The following SIPA1L1 variants were observed in gnomAD, a reference collection of about 807,000 sequenced individuals.
SIPA1L1 encodes the protein signal induced proliferation associated 1 like 1.
In SIPA1L1, 26 loss-of-function variants were observed where a neutral mutation model predicts 162.7. The ratio of observed to expected loss-of-function variants is 0.16; its 90% CI spans 0.12 to 0.22. SIPA1L1 has a LOEUF of 0.22. Among genes scored for constraint, SIPA1L1 ranks in the 10% least tolerant of loss-of-function variants. The probability of loss-of-function intolerance (pLI) is 1.00; values close to 1 mark genes in which losing one functional copy is unlikely to be tolerated. For missense variants in SIPA1L1, 1,874 were observed against 2,241.0 expected (o/e 0.84, Z 3.31); for synonymous variants, 829 against 837.4 (o/e 0.99, Z 0.17).
chr14:71,370,853 T>C (rs1000195278), intron 2 of SIPA1L1, among the ~76,000 whole-genome samples: 5 of 152,178 alleles, frequency 3.3e-5, no homozygotes, highest in African/African-American at 4.8e-5. Context: ...GTTTCTATGT[T>C]ATTTATATTT....
chr14:71,377,849 G>T lies in SIPA1L1; in HGVS notation c.-465+56668G>T, dbSNP rs2039551190. On this transcript the variant is annotated intron_variant, in intron 2 of 23. Transcript: ENST00000381232. The surrounding 1 kb of genome is among the most constrained non-coding windows in gnomAD (Gnocchi z 4.8). Reference sequence around the variant, plus strand: ...AAACCAGTCAGGCGTGGCGGCGCGTGCCTGCAATCCCAGGCACTCGGCAGG... The same window carrying T: ...AAACCAGTCAGGCGTGGCGGCGCGTTCCTGCAATCCCAGGCACTCGGCAGG... Among the ~76,000 whole-genome samples, 1 of 152,200 alleles carries T rather than the reference G, an allele frequency of 6.6e-6. No individual in the cohort carries two copies. Among genetic ancestry groups the T allele is most frequent in the South Asian group, 2.1e-4 (1 of 4,830 alleles).
At chr14:71,563,600 A>T (rs1285482531) in intron 4 of SIPA1L1, among the ~76,000 whole-genome samples, 1 of 152,090 alleles carries the variant, frequency 6.6e-6, no homozygotes, top group Non-Finnish European at 1.5e-5. Flanking sequence ...ACTTCTCATG[A>T]CCTATTTATC....
intron 2 of SIPA1L1, among the ~76,000 whole-genome samples, chr14:71,325,453 A>G (rs2033681668): frequency 6.6e-6 from 1 of 152,204 alleles, no homozygotes; most frequent in Non-Finnish European, 1.5e-5. Context: ...GATTTGCATA[A>G]GGGACAGAGC....
chr14:71,617,766 C>T (rs960143775), intron 5 of SIPA1L1, among the ~76,000 whole-genome samples: 2 of 151,838 alleles, frequency 1.3e-5, no homozygotes, highest in African/African-American at 2.4e-5. Flanking sequence ...GTCATTTAGC[C>T]GTGTCAGATA....
chr14:71,528,491 C>T (rs1341762829), intron 3 of SIPA1L1, among the ~76,000 whole-genome samples: 1 of 151,810 alleles, frequency 6.6e-6, no homozygotes, highest in East Asian at 1.9e-4. Flanking sequence ...CTTGTCTCTA[C>T]TAAAAATACA....
chr14:71,347,351 C>T (rs1372766148), intron 2 of SIPA1L1, among the ~76,000 whole-genome samples: 1 of 152,116 alleles, frequency 6.6e-6, no homozygotes, highest in Non-Finnish European at 1.5e-5. Context: ...TTTGTCTTGT[C>T]AAGTAATATT....
At chr14:71,643,048 C>CCTGAACTACCTGAATT (rs2041865927) in intron 7 of SIPA1L1, among the ~76,000 whole-genome samples, 2 of 151,638 alleles carry the variant, frequency 1.3e-5, no homozygotes, top group African/African-American at 4.8e-5. Context: ...ATTGGAGACC[C>CCTGAACTACCTGAATT]CAGAGGAGTT....
chr14:71,700,956 C>G (rs1337555874), intron 14 of SIPA1L1, among the ~76,000 whole-genome samples: 1 of 116,570 alleles, frequency 8.6e-6, no homozygotes, highest in Admixed American at 1.3e-4. Flanking sequence ...GATTGCGCCA[C>G]TGCACTCCAG....
intron 4 of SIPA1L1, among the ~76,000 whole-genome samples, chr14:71,548,992 T>A (rs1171513541): frequency 6.6e-6 from 1 of 152,046 alleles, no homozygotes; most frequent in African/African-American, 2.4e-5. Context: ...AATTCAGAGG[T>A]TACTATTAAT....
chr14:71,327,585 T>C lies in SIPA1L1; in HGVS notation c.-465+6404T>C, dbSNP rs928024779. ...TAAAATTTTCACCAAATTTGACTTT[T>C]ATTGCTTGCTTCACCTGTATATACC... On this transcript the variant is annotated intron_variant, in intron 2 of 23. Transcript: ENST00000381232. 5.3e-5 allele frequency among the ~76,000 whole-genome samples: 8 copies of C among 152,250 alleles called. 1 individual carries two copies. The South Asian group carries it at 1.2e-3, about 24-fold the overall frequency.
intron 10 of SIPA1L1, among the ~76,000 whole-genome samples, chr14:71,670,181 TAA>T (rs2044378574): frequency 6.6e-6 from 1 of 152,222 alleles, no homozygotes; most frequent in African/African-American, 2.4e-5. Flanking sequence ...GGAAATGATA[TAA>T]AACACTCAAC....
chr14:71,618,216 G>T (rs1364816610), intron 5 of SIPA1L1, among the ~76,000 whole-genome samples: 2 of 152,204 alleles, frequency 1.3e-5, no homozygotes, highest in Non-Finnish European at 2.9e-5. Flanking sequence ...GGGGCACTGT[G>T]AAGCTCTTTC....
intron 13 of SIPA1L1, among the ~76,000 whole-genome samples, chr14:71,693,706 T>G (rs1366957659): frequency 6.6e-6 from 1 of 150,772 alleles, no homozygotes; most frequent in Non-Finnish European, 1.5e-5. Flanking sequence ...TTGTAGAGAT[T>G]TTTCTTTTTT....
intron 2 of SIPA1L1, among the ~76,000 whole-genome samples, chr14:71,357,185 G>A (rs72728451): frequency 6.6e-6 from 1 of 152,062 alleles, no homozygotes; most frequent in Admixed American, 6.6e-5. Context: ...TCAGCCTCCC[G>A]AGTAGCTGGG....
At chr14:71,591,274 T>A (rs1457995834) in intron 5 of SIPA1L1, among the ~76,000 whole-genome samples, 1 of 150,282 alleles carries the variant, frequency 6.7e-6, no homozygotes, top group Non-Finnish European at 1.5e-5. Flanking sequence ...AGGTAGGTAC[T>A]ATTGTTAACC....
intron 4 of SIPA1L1, among the ~76,000 whole-genome samples, chr14:71,556,036 A>C (rs562364316): frequency 7.9e-5 from 12 of 152,322 alleles, no homozygotes; most frequent in Admixed American, 6.5e-4. Context: ...ACAGGAAGTG[A>C]GCACATGCTG....
At chr14:71,507,372 A>G (rs1265347349) in intron 2 of SIPA1L1, among the ~76,000 whole-genome samples, 1 of 152,192 alleles carries the variant, frequency 6.6e-6, no homozygotes, top group East Asian at 1.9e-4. Context: ...TCAATGAAAA[A>G]TGTCTTCCAA....
intron 3 of SIPA1L1, among the ~76,000 whole-genome samples, chr14:71,526,839 T>C (rs1021342569): frequency 6.6e-6 from 1 of 152,236 alleles, no homozygotes; most frequent in Non-Finnish European, 1.5e-5. Flanking sequence ...AATTATTGTA[T>C]AGGATTTATG....
intron 4 of SIPA1L1, among the ~76,000 whole-genome samples, chr14:71,532,737 G>C (rs1374510570): frequency 1.3e-5 from 2 of 152,206 alleles, no homozygotes; most frequent in Non-Finnish European, 2.9e-5. Flanking sequence ...ATACACTGAT[G>C]AAAGTAAATT....
Sources: gnomAD v4.1 joint callset for allele counts (sites outside exome capture counted in the v4.1 genomes callset) on GRCh38, gnomAD v4.1.1 for gene constraint, Gnocchi (gnomAD v3.1) non-coding constraint, MANE v1.5 for transcripts, NCBI Gene and HGNC (gene_info 2026-07-23, HGNC 2026-07-21) for gene names.